Variants in BMPR2 observed in about 807,000 individuals in gnomAD.
BMPR2 encodes the protein bone morphogenetic protein receptor type 2, also known as bone morphogenetic protein receptor type-2.
Under a neutral mutation model 100.8 loss-of-function variants are expected in BMPR2, and 29 were observed. The observed-to-expected ratio is 0.29, with a 90% CI of 0.21 to 0.39. The LOEUF is 0.39. Ranked by LOEUF, BMPR2 falls within the 10% of genes least tolerant of loss-of-function variation. The probability of loss-of-function intolerance (pLI) is 1.00; values close to 1 mark genes in which losing one functional copy is unlikely to be tolerated. For synonymous variants in BMPR2, 382 were observed against 442.3 expected (o/e 0.86, Z 1.71); for missense variants, 1,011 against 1,274.5 (o/e 0.79, Z 3.15).
chr2:202,451,677 G>T (rs1267067314), intron 1 of BMPR2, among the ~76,000 whole-genome samples: 1 of 152,074 alleles, frequency 6.6e-6, no homozygotes, highest in African/African-American at 2.4e-5. Flanking sequence ...CCAGCCTGGG[G>T]GACAAGAACG....
chr2:202,471,589 C>A (rs958818422), intron 3 of BMPR2, among the ~76,000 whole-genome samples: 1 of 152,034 alleles, frequency 6.6e-6, no homozygotes, highest in African/African-American at 2.4e-5. Context: ...ATCACACAAA[C>A]CCCAAATTAG....
chr2:202,493,636 A>C (rs932953490), intron 3 of BMPR2, among the ~76,000 whole-genome samples: 1 of 152,178 alleles, frequency 6.6e-6, no homozygotes, highest in African/African-American at 2.4e-5. Flanking sequence ...TGTCTCTCCT[A>C]ATCATAAAAT....
chr2:202,494,625 AAACTT>A (rs758843333), intron 3 of BMPR2, among the ~76,000 whole-genome samples: 2 of 152,246 alleles, frequency 1.3e-5, no homozygotes, highest in Admixed American at 6.5e-5. Context: ...TTAACTGAGA[AAACTT>A]AATAGGGAAG....
intron 1 of BMPR2, among the ~76,000 whole-genome samples, chr2:202,421,528 T>G (rs1691261972): frequency 6.7e-6 from 1 of 148,578 alleles, no homozygotes; most frequent in South Asian, 2.2e-4. Flanking sequence ...CAGAGAGGAA[T>G]TTTAAGAATT....
chr2:202,486,207 G>A (rs1007152976), intron 3 of BMPR2, among the ~76,000 whole-genome samples: 2 of 152,150 alleles, frequency 1.3e-5, no homozygotes, highest in Non-Finnish European at 2.9e-5. Flanking sequence ...ACTTCTCCAT[G>A]CTAATGGAAG....
chr2:202,380,555 G>GC (rs1690260687), intron 1 of BMPR2, among the ~76,000 whole-genome samples: 1 of 151,762 alleles, frequency 6.6e-6, no homozygotes, highest in Non-Finnish European at 1.5e-5. Flanking sequence ...GAGAACCCCC[G>GC]CAAAGTCTCA....
Position 202,376,964 on chromosome 2 carries a change from C to T in BMPR2, c.-511C>T. ...AGCACCGAAGCGAAACTTAAGGAAT[C>T]CTGCCTTCCCGGAGCCGCGGGCGAT... On this transcript the variant is annotated 5_prime_UTR_variant, in exon 1 of 13. Coordinates refer to ENST00000374580, the MANE Select transcript of BMPR2 (RefSeq NM_001204.7). The T allele has an allele frequency of 2.2e-6, 1 of 449,536 alleles. No homozygotes were observed. Among genetic ancestry groups the T allele is most frequent in the Non-Finnish European group, 3.9e-6 (1 of 256,926 alleles). The allele number at this position is 449,536 out of a possible 1,614,324, so 27.8% of individuals were successfully genotyped here. A position where few individuals can be genotyped will look rare whatever the true frequency, so the allele number is the denominator to read the frequency against.
chr2:202,404,845 T>A (rs1690855383), intron 1 of BMPR2, among the ~76,000 whole-genome samples: 2 of 152,070 alleles, frequency 1.3e-5, no homozygotes. Context: ...TGGAGACTTT[T>A]TTTTTAAGAC....
At position 202,567,275 on chromosome 2, in the gene BMPR2, C is replaced by T. The variant is rs916426936; in HGVS notation, c.*7329C>T. 1 of 152,610 alleles carries T rather than the reference C, an allele frequency of 6.6e-6. No homozygotes were observed. Among genetic ancestry groups the T allele is most frequent in the Admixed American group, 6.5e-5 (1 of 15,272 alleles). The allele number at this position is 152,610 out of a possible 1,614,324, so 9.5% of individuals were successfully genotyped here. A position where few individuals can be genotyped will look rare whatever the true frequency, so the allele number is the denominator to read the frequency against. The stretch of plus-strand genomic sequence containing the variant: ...AGAAACATAAGCTACGGAGTATTCA[C>T]TTCTGAGGATGCTTTTCCGGAAAAA... On this transcript the variant is annotated 3_prime_UTR_variant, in exon 13 of 13. Coordinates refer to ENST00000374580, the MANE Select transcript of BMPR2 (RefSeq NM_001204.7).
rs146027217 is a variant in BMPR2 at position 202,559,716 on chromosome 2, G to T, written c.2887G>T (p.Gly963Cys). 262 of 1,613,978 alleles carry T rather than the reference G, an allele frequency of 1.6e-4. No individual in the cohort carries two copies. Among genetic ancestry groups the T allele is most frequent in the Non-Finnish European group, 2.0e-4 (236 of 1,180,032 alleles). The change falls in exon 13 of 13, where the codon GGC becomes TGC. Residue 963 changes from glycine to cysteine, a missense_variant. Physicochemically the swap from Gly to Cys is radical, Grantham distance 159 (BLOSUM62 -3). This residue lies in a region of BMPR2 where 508 missense variants were observed against 552.0 expected (regional missense o/e 0.92). Coordinates refer to ENST00000374580, the MANE Select transcript of BMPR2 (RefSeq NM_001204.7). Reference protein sequence around the residue: ...SIQIGESTQDGKSGSGEKIKK... With the variant: ...SIQIGESTQDCKSGSGEKIKK... ...TTCAGTAGGTGAGTCAACACAAGAT[G>T]GCAAATCAGGATCAGGTGAAAAGAT...
At chr2:202,443,006 T>C (rs944778930) in intron 1 of BMPR2, among the ~76,000 whole-genome samples, 73 of 150,656 alleles carry the variant, frequency 4.8e-4, no homozygotes, top group Non-Finnish European at 3.5e-4. Flanking sequence ...GAGGTGATGA[T>C]AAAGGTTAAA....
chr2:202,394,890 ATTT>A (rs11298914), intron 1 of BMPR2, among the ~76,000 whole-genome samples: 3 of 137,558 alleles, frequency 2.2e-5, no homozygotes, highest in Non-Finnish European at 3.2e-5. Context: ...ACTTTTTTTT[ATTT>A]TTTTTTTTTT....
intron 1 of BMPR2, among the ~76,000 whole-genome samples, chr2:202,435,398 T>G (rs2105934673): frequency 7.1e-6 from 1 of 141,102 alleles, no homozygotes; most frequent in East Asian, 2.0e-4. Context: ...TATATATATA[T>G]ATATATATAT....
chr2:202,547,131 T>A, intron 10 of BMPR2, among the ~76,000 whole-genome samples: 1 of 152,286 alleles, frequency 6.6e-6, no homozygotes, highest in East Asian at 1.9e-4. Context: ...AATAAAAAAT[T>A]ATAGGCCACG....
rs563157896 is a variant in BMPR2, at chr2:202,431,132, A to G, written c.77-33677A>G. 6.0e-5 allele frequency among the ~76,000 whole-genome samples: 9 copies of G among 150,808 alleles called. No homozygotes were observed. In the South Asian group the frequency reaches 1.9e-3, roughly 31 times the overall value. On this transcript the variant is annotated intron_variant, in intron 1 of 12. Coordinates refer to ENST00000374580, the MANE Select transcript of BMPR2 (RefSeq NM_001204.7). ...TGCTACTTCATTAAGATTTTGGGAAAGAAATTTTAAGTAACAGTTTAATGT... is the reference window on the plus strand; with the variant it reads ...TGCTACTTCATTAAGATTTTGGGAAGGAAATTTTAAGTAACAGTTTAATGT...
In BMPR2 at chr2:202,377,486, G is replaced by A. The variant is rs1255662189; in HGVS notation, c.12G>A (p.Ser4=). 1.2e-6 allele frequency: 2 copies of A among 1,614,070 alleles called. No individual in the cohort carries two copies. Among genetic ancestry groups the A allele is most frequent in the South Asian group, 2.2e-5 (2 of 91,088 alleles). Reference sequence around the variant, plus strand: ...TGGCTGGCCCAGGGATGACTTCCTCGCTGCAGCGGCCCTGGCGGGTGCCCT... The same window carrying A: ...TGGCTGGCCCAGGGATGACTTCCTCACTGCAGCGGCCCTGGCGGGTGCCCT... MTS[S]LQRPWRVPWL... The change falls in exon 1 of 13, where the codon TCG becomes TCA. Residue 4 remains serine, a synonymous_variant. Coordinates refer to ENST00000374580, the MANE Select transcript of BMPR2 (RefSeq NM_001204.7).
chr2:202,535,417 T>G (rs1329647246), intron 9 of BMPR2, among the ~76,000 whole-genome samples: 1 of 133,130 alleles, frequency 7.5e-6, no homozygotes, highest in Non-Finnish European at 1.6e-5. Flanking sequence ...GGGTCTCGGC[T>G]GGGCAGAGGC....
At chr2:202,485,545 C>CTTTTTTTTTCTTTTTTTTTTTT (rs1692757452) in intron 3 of BMPR2, among the ~76,000 whole-genome samples, 1 of 64,010 alleles carries the variant, frequency 1.6e-5, no homozygotes, top group Non-Finnish European at 2.7e-5. Context: ...TTGCCTTTAT[C>CTTTTTTTTTCTTTTTTTTTTTT]TTTTTTTTTT....
At chr2:202,523,026 A>G (rs1418118829) in intron 7 of BMPR2, among the ~76,000 whole-genome samples, 1 of 152,236 alleles carries the variant, frequency 6.6e-6, no homozygotes, top group Non-Finnish European at 1.5e-5. Context: ...AACTTAAACA[A>G]TTGAACAAGC....
Sources: gnomAD v4.1 joint callset for allele counts (sites outside exome capture counted in the v4.1 genomes callset) on GRCh38, gnomAD v4.1.1 for gene constraint, gnomAD v4.1.1 regional missense constraint, MANE v1.5 for transcripts, NCBI Gene and HGNC (gene_info 2026-07-23, HGNC 2026-07-21) for gene names.